The following UTRN variants were observed in gnomAD, a reference collection of about 807,000 sequenced individuals.
UTRN encodes the protein utrophin.
UTRN carries 283 observed loss-of-function variants against 463.9 expected under a neutral mutation model. That is an observed-to-expected ratio of 0.61 (90% CI 0.55 to 0.67). UTRN has a LOEUF of 0.67. Among genes scored for constraint, UTRN ranks in the 30% least tolerant of loss-of-function variants. The probability of loss-of-function intolerance (pLI) is 0.00; values close to 1 mark genes in which losing one functional copy is unlikely to be tolerated. For missense variants in UTRN, 3,922 were observed against 4,084.3 expected (o/e 0.96, Z 1.08); for synonymous variants, 1,442 against 1,431.5 (o/e 1.01, Z -0.17).
intron 2 of UTRN, among the ~76,000 whole-genome samples, chr6:144,395,493 T>C: frequency 6.6e-6 from 1 of 152,038 alleles, no homozygotes; most frequent in Non-Finnish European, 1.5e-5. Flanking sequence ...TCTTTCAGTT[T>C]AAGTTTAGGC....
intron 3 of UTRN, among the ~76,000 whole-genome samples, chr6:144,411,584 A>G (rs1375116706): frequency 2.6e-5 from 4 of 152,178 alleles, no homozygotes. Flanking sequence ...ACATTCTGTT[A>G]CATGTCTGTA....
intron 2 of UTRN, among the ~76,000 whole-genome samples, chr6:144,337,277 CCTT>C (rs1157106484): frequency 2.0e-5 from 3 of 152,142 alleles, no homozygotes; most frequent in African/African-American, 4.8e-5. Flanking sequence ...TTAGCACACT[CCTT>C]CTATCTACTC....
At chr6:144,435,153 C>G (rs142811526) in intron 9 of UTRN, among the ~76,000 whole-genome samples, 11 of 152,280 alleles carry the variant, frequency 7.2e-5, no homozygotes, top group African/African-American at 2.6e-4. Flanking sequence ...CTATACGTTT[C>G]TGTACATTTG....
chr6:144,788,044 A>C (rs1300666120), intron 61 of UTRN, among the ~76,000 whole-genome samples: 1 of 152,134 alleles, frequency 6.6e-6, no homozygotes, highest in African/African-American at 2.4e-5. Context: ...TTACTCAGTA[A>C]TTCTTTGATA....
chr6:144,540,959 T>C (rs1241886961), intron 45 of UTRN, among the ~76,000 whole-genome samples: 1 of 152,232 alleles, frequency 6.6e-6, no homozygotes, highest in Non-Finnish European at 1.5e-5. Flanking sequence ...AAAAATATCA[T>C]ACATTTGACT....
At chr6:144,657,438 C>T (rs367778847) in intron 51 of UTRN, among the ~76,000 whole-genome samples, 22 of 152,212 alleles carry the variant, frequency 1.4e-4, no homozygotes, top group East Asian at 1.4e-3. Context: ...ATTCTACTCT[C>T]GAATTCCACA....
intron 55 of UTRN, among the ~76,000 whole-genome samples, chr6:144,751,037 T>C (rs554680462): frequency 7.2e-5 from 11 of 152,196 alleles, no homozygotes; most frequent in Non-Finnish European, 1.5e-4. Context: ...TTGACAGGGA[T>C]AGATCTTACC....
chr6:144,323,633 CTT>C (rs1775800583), intron 2 of UTRN, among the ~76,000 whole-genome samples: 3 of 152,160 alleles, frequency 2.0e-5, no homozygotes, highest in Admixed American at 1.3e-4. Context: ...TAAAAGAACA[CTT>C]TATTAAAATT....
intron 66 of UTRN, among the ~76,000 whole-genome samples, chr6:144,823,380 A>C (rs531467033): frequency 2.6e-5 from 4 of 152,134 alleles, no homozygotes; most frequent in Non-Finnish European, 5.9e-5. Context: ...TGGTGTAACA[A>C]TTTATGTGAG....
chr6:144,758,734 G>A (rs754822307), intron 58 of UTRN, among the ~76,000 whole-genome samples: 4 of 152,078 alleles, frequency 2.6e-5, no homozygotes, highest in Non-Finnish European at 4.4e-5. Context: ...CCCTTGGAGT[G>A]TAACTTAGTA....
chr6:144,681,970 T>A (rs554792723), intron 52 of UTRN, among the ~76,000 whole-genome samples: 1 of 152,346 alleles, frequency 6.6e-6, no homozygotes, highest in Admixed American at 6.5e-5. Flanking sequence ...CAAGCATTTA[T>A]CTTTTGTGTT....
chr6:144,350,481 A>G (rs533776264), intron 2 of UTRN, among the ~76,000 whole-genome samples: 1 of 152,314 alleles, frequency 6.6e-6, no homozygotes, highest in Admixed American at 6.5e-5. Context: ...ATTATTAAAA[A>G]CTACCTGTGT....
chr6:144,828,468 T>G (rs897516987), intron 68 of UTRN, among the ~76,000 whole-genome samples: 13 of 152,130 alleles, frequency 8.5e-5, no homozygotes, highest in Non-Finnish European at 1.9e-4. Context: ...ATCATTTTAT[T>G]TGTTTGAGAA....
At chr6:144,560,019 C>G (rs1481336955) in intron 50 of UTRN, among the ~76,000 whole-genome samples, 1 of 152,000 alleles carries the variant, frequency 6.6e-6, no homozygotes, top group South Asian at 2.1e-4. Flanking sequence ...TTGTTTTGTG[C>G]GTATAAATTT....
intron 2 of UTRN, among the ~76,000 whole-genome samples, chr6:144,319,005 G>T (rs935711998): frequency 6.6e-6 from 1 of 152,196 alleles, no homozygotes; most frequent in African/African-American, 2.4e-5. Flanking sequence ...GGAGGTCGAG[G>T]CTGCAGTGAA....
rs958437473 is a variant in UTRN, at chr6:144,674,936, T to C, written c.7480-3470T>C. ...GTAGCTTAATAATCAGCCTTCTGAA[T>C]TATTTATCTGGCAATTCAGATATTT... On this transcript the variant is annotated intron_variant, in intron 51 of 74. Coordinates refer to ENST00000367545, the MANE Select transcript of UTRN (RefSeq NM_007124.3). Among the ~76,000 whole-genome samples the C allele has an allele frequency of 6.6e-5, 10 of 152,378 alleles. No homozygotes were observed. The East Asian group carries it at 1.9e-3, about 29-fold the overall frequency.
chr6:144,821,057 T>A, intron 66 of UTRN, 39 bp downstream of exon 66: 1 of 1,597,330 alleles, frequency 6.3e-7, no homozygotes, highest in Non-Finnish European at 8.5e-7. Context: ...TGTGAACATT[T>A]ATATCTGATG....
chr6:144,676,647 G>A (rs1049626358), intron 51 of UTRN, among the ~76,000 whole-genome samples: 2 of 151,918 alleles, frequency 1.3e-5, no homozygotes, highest in Admixed American at 1.3e-4. Flanking sequence ...TCTACATTAG[G>A]TATTTCTCCT....
intron 23 of UTRN, among the ~76,000 whole-genome samples, chr6:144,471,061 G>A (rs1455132014): frequency 3.0e-5 from 3 of 101,566 alleles, no homozygotes; most frequent in African/African-American, 1.3e-4. Context: ...AGGGGGAGAG[G>A]GAGGGGGAGG....
Sources: gnomAD v4.1 joint callset for allele counts (sites outside exome capture counted in the v4.1 genomes callset) on GRCh38, gnomAD v4.1.1 for gene constraint, MANE v1.5 for transcripts, NCBI Gene and HGNC (gene_info 2026-07-23, HGNC 2026-07-21) for gene names.